The following SYT13 variants were observed in gnomAD, a reference collection of about 807,000 sequenced individuals.
SYT13 encodes synaptotagmin-13.
SYT13 carries 21 observed loss-of-function variants against 38.6 expected under a neutral mutation model. That is an observed-to-expected ratio of 0.54 (90% CI 0.39 to 0.78). The LOEUF (loss-of-function observed/expected upper bound fraction) is 0.78, where lower values mean the gene tolerates loss of function less well. Ranked by LOEUF, SYT13 falls within the 30% of genes least tolerant of loss-of-function variation. The probability of loss-of-function intolerance (pLI) is 0.00; values close to 1 mark genes in which losing one functional copy is unlikely to be tolerated. For synonymous variants in SYT13, 241 were observed against 237.6 expected (o/e 1.01, Z -0.13); for missense variants, 495 against 548.7 (o/e 0.90, Z 0.98).
At chr11:45,259,714 C>G (rs1046233234) in intron 1 of SYT13, among the ~76,000 whole-genome samples, 1 of 152,128 alleles carries the variant, frequency 6.6e-6, no homozygotes. Flanking sequence ...GTGACTGATT[C>G]CCAGGGGTTG....
intron 1 of SYT13, among the ~76,000 whole-genome samples, chr11:45,263,760 A>G (rs1854848414): frequency 6.6e-6 from 1 of 152,244 alleles, no homozygotes; most frequent in African/African-American, 2.4e-5. Flanking sequence ...TCAGGTATTC[A>G]GGCTCTAAAA....
intron 1 of SYT13, among the ~76,000 whole-genome samples, chr11:45,278,491 C>T (rs1855035387): frequency 1.3e-5 from 2 of 152,044 alleles, no homozygotes; most frequent in Admixed American, 1.3e-4. Context: ...TGCTTGGGCC[C>T]CCTCTGGTTT....
chr11:45,256,771 T>C (rs926959826), intron 1 of SYT13, among the ~76,000 whole-genome samples: 5 of 152,206 alleles, frequency 3.3e-5, no homozygotes, highest in African/African-American at 1.2e-4. Flanking sequence ...CTCTCGATGT[T>C]TGTCCTGCCT....
intron 1 of SYT13, among the ~76,000 whole-genome samples, chr11:45,280,624 C>G (rs1855060541): frequency 6.6e-6 from 1 of 152,096 alleles, no homozygotes; most frequent in Non-Finnish European, 1.5e-5. Context: ...TGAACAAAGC[C>G]CAGAAGCTCT....
At chr11:45,258,964 G>A (rs1854780876) in intron 1 of SYT13, among the ~76,000 whole-genome samples, 1 of 152,146 alleles carries the variant, frequency 6.6e-6, no homozygotes, top group Non-Finnish European at 1.5e-5. Context: ...GAGGCTCAGG[G>A]AAGCTCACGA....
At chr11:45,276,556 A>G (rs1280836145) in intron 1 of SYT13, among the ~76,000 whole-genome samples, 1 of 152,130 alleles carries the variant, frequency 6.6e-6, no homozygotes, top group Admixed American at 6.5e-5. Context: ...CGTTCTGCAC[A>G]TGTATCCCAG....
At chr11:45,285,844 G>GCCCCCCC in intron 1 of SYT13, 181 bp downstream of exon 1, 1 of 352,452 alleles carries the variant, frequency 2.8e-6, no homozygotes, top group Non-Finnish European at 5.5e-6. Flanking sequence ...CCATCCCCTA[G>GCCCCCCC]CCTCCCCCAT....
chr11:45,254,509 T>A (rs1325783670), intron 2 of SYT13, 105 bp from the exon 3 acceptor site: 1 of 1,490,088 alleles, frequency 6.7e-7, no homozygotes, highest in East Asian at 2.3e-5. Flanking sequence ...CAAACCCAAG[T>A]CTTCCCAGCT....
In SYT13 at chr11:45,243,984, G is replaced by A; in HGVS notation, c.*68C>T. ...CTTCTGGGTGTCAGAATGAGGAAAG[G>A]GGCACAGAAAGGAGGTTGCAGAGGA... On this transcript the variant is annotated 3_prime_UTR_variant, in exon 6 of 6. Transcript: ENST00000020926. 2 of 1,476,102 alleles carry A rather than the reference G, an allele frequency of 1.4e-6. No homozygotes were observed. Among genetic ancestry groups the A allele is most frequent in the African/African-American group, 1.4e-5 (1 of 72,028 alleles). The allele number at this position is 1,476,102 out of a possible 1,614,324, so 91.4% of individuals were successfully genotyped here.
At chr11:45,245,379 T>G (rs942501622) in intron 5 of SYT13, among the ~76,000 whole-genome samples, 1 of 152,292 alleles carries the variant, frequency 6.6e-6, no homozygotes, top group African/African-American at 2.4e-5. Flanking sequence ...AGACGAAGTG[T>G]TGTACTGTAA....
chr11:45,276,473 C>T (rs1295052988), intron 1 of SYT13, among the ~76,000 whole-genome samples: 1 of 151,976 alleles, frequency 6.6e-6, no homozygotes, highest in African/African-American at 2.4e-5. Flanking sequence ...AGGAGAAATA[C>T]CCAAGGTAGA....
chr11:45,285,466 C>T (rs1167427740), intron 1 of SYT13, among the ~76,000 whole-genome samples: 1 of 152,108 alleles, frequency 6.6e-6, no homozygotes, highest in South Asian at 2.1e-4. Context: ...CTCTAGACCC[C>T]GCTAGCTAGC....
At chr11:45,246,556 A>G in intron 4 of SYT13, 44 bp from the exon 5 acceptor site, 1 of 1,600,092 alleles carries the variant, frequency 6.2e-7, no homozygotes, top group Non-Finnish European at 8.5e-7. Flanking sequence ...TCACCTGGGG[A>G]CGCCTTCCAA....
chr11:45,256,982 G>A (rs1854755916), intron 1 of SYT13, among the ~76,000 whole-genome samples: 1 of 152,190 alleles, frequency 6.6e-6, no homozygotes, highest in Admixed American at 6.5e-5. Context: ...CAGGGAGCAT[G>A]CAATCAATAC....
At chr11:45,263,133 C>A (rs890443699) in intron 1 of SYT13, among the ~76,000 whole-genome samples, 1 of 152,182 alleles carries the variant, frequency 6.6e-6, no homozygotes, top group Non-Finnish European at 1.5e-5. Context: ...CAGTAATAAT[C>A]CAGGCAGAGA....
chr11:45,264,696 T>A (rs916140017), intron 1 of SYT13, among the ~76,000 whole-genome samples: 2 of 152,220 alleles, frequency 1.3e-5, no homozygotes, highest in Non-Finnish European at 2.9e-5. Context: ...ATTGTTGTTT[T>A]AAGCCATTGT....
rs780277772 is a variant in SYT13 at position 45,284,155 on chromosome 11, C to T, written c.183+1870G>A. Among the ~76,000 whole-genome samples, 62 of 152,310 alleles carry T rather than the reference C, an allele frequency of 4.1e-4. 1 individual carries two copies. The highest frequency in any genetic ancestry group is 7.3e-5 in the Non-Finnish European group (5 of 68,030). ...CGTAAATCCAGGGAAGCCAAGACTG[C>T]TGATGAAGAAAGAAACTGGCATGAG... On this transcript the variant is annotated intron_variant, in intron 1 of 5. Coordinates refer to ENST00000020926, the MANE Select transcript of SYT13 (RefSeq NM_020826.3).
intron 1 of SYT13, among the ~76,000 whole-genome samples, chr11:45,271,083 T>C (rs1174473503): frequency 6.6e-6 from 1 of 152,192 alleles, no homozygotes; most frequent in East Asian, 1.9e-4. Context: ...TAGGTGCTTA[T>C]GCTACAATTC....
chr11:45,277,640 C>A (rs1369222338), intron 1 of SYT13, among the ~76,000 whole-genome samples: 1 of 152,174 alleles, frequency 6.6e-6, no homozygotes, highest in Non-Finnish European at 1.5e-5. Flanking sequence ...TAGGCTTCCT[C>A]CTGCCACAGG....
Sources: gnomAD v4.1 joint callset for allele counts (sites outside exome capture counted in the v4.1 genomes callset) on GRCh38, gnomAD v4.1.1 for gene constraint, MANE v1.5 for transcripts, NCBI Gene and HGNC (gene_info 2026-07-23, HGNC 2026-07-21) for gene names.